Variants in BCHE observed in about 807,000 individuals in gnomAD.
BCHE encodes the protein butyrylcholinesterase.
In BCHE, 48 loss-of-function variants were observed where a neutral mutation model predicts 51.3. That is an observed-to-expected ratio of 0.94 (90% CI 0.74 to 1.19). BCHE has a LOEUF of 1.19. BCHE is among the 50% of genes most tolerant of loss of function. The pLI, the probability that BCHE is intolerant of heterozygous loss-of-function variation, is 0.00. For missense variants in BCHE, 847 were observed against 708.2 expected (o/e 1.20, Z -2.23); for synonymous variants, 251 against 238.0 (o/e 1.05, Z -0.50).
Position 165,830,154 on chromosome 3 carries a change from T to A in BCHE, c.880A>T (p.Asn294Tyr), listed in dbSNP as rs550866478. ...AGAAGAATTTCTTGGGGATCTTTAT[T>A]TCTAAGACACTTGATTATTTCAGTC... Reference protein sequence around the residue: ...NETEIIKCLRNKDPQEILLNE... With the variant: ...NETEIIKCLRYKDPQEILLNE... Residue 294 changes from asparagine (N) to tyrosine (Y), a missense_variant, in exon 2 of 4, where the codon AAT becomes TAT. Transcript: ENST00000264381. 2.5e-6 allele frequency: 4 copies of A among 1,613,980 alleles called. No individual in the cohort carries two copies. The African/African-American group carries it at 4.0e-5, about 16-fold the overall frequency.
chr3:165,805,493 A>G (rs1713833291), intron 2 of BCHE, among the ~76,000 whole-genome samples: 1 of 152,174 alleles, frequency 6.6e-6, no homozygotes. Context: ...AGGACTTTAA[A>G]ACATGTTTCT....
At chr3:165,794,505 G>A (rs1713294908) in intron 2 of BCHE, among the ~76,000 whole-genome samples, 1 of 152,166 alleles carries the variant, frequency 6.6e-6, no homozygotes, top group Non-Finnish European at 1.5e-5. Flanking sequence ...TGATGAGAGG[G>A]CTTACTTCTT....
intron 2 of BCHE, among the ~76,000 whole-genome samples, chr3:165,787,171 G>T (rs774053693): frequency 1.3e-5 from 2 of 151,656 alleles, no homozygotes; most frequent in Non-Finnish European, 3.0e-5. Context: ...ATGAATAACT[G>T]TCGACTCTAT....
At chr3:165,783,231 A>G (rs1369136637) in intron 3 of BCHE, among the ~76,000 whole-genome samples, 2 of 152,128 alleles carry the variant, frequency 1.3e-5, no homozygotes, top group Non-Finnish European at 2.9e-5. Flanking sequence ...TCTTTATGCA[A>G]TAAATCTCAA....
rs115559463 is a variant in BCHE, at chr3:165,803,284, A to C, written c.1518-16973T>G. ...TCTTTTTAGAGCTTACATGTTGGTG[A>C]AAGAGAGAAAGATGAGCAGGATCAA... On this transcript the variant is annotated intron_variant, in intron 2 of 3. Coordinates refer to ENST00000264381, the MANE Select transcript of BCHE (RefSeq NM_000055.4). Among the ~76,000 whole-genome samples the C allele has an allele frequency of 3.9e-3, 590 of 152,320 alleles. 6 individuals are homozygous for C. The highest frequency in any genetic ancestry group is 0.013 in the African/African-American group (559 of 41,584).
intron 2 of BCHE, among the ~76,000 whole-genome samples, chr3:165,810,376 G>A (rs1318292496): frequency 6.6e-6 from 1 of 152,158 alleles, no homozygotes; most frequent in East Asian, 1.9e-4. Context: ...TACATATGGT[G>A]TTCCAGAAGA....
intron 2 of BCHE, among the ~76,000 whole-genome samples, chr3:165,805,238 T>G (rs1227937967): frequency 6.6e-6 from 1 of 152,058 alleles, no homozygotes; most frequent in Non-Finnish European, 1.5e-5. Context: ...GGTACACGAA[T>G]AGCAGAATAA....
At chr3:165,805,550 T>C (rs562508893) in intron 2 of BCHE, among the ~76,000 whole-genome samples, 3 of 152,274 alleles carry the variant, frequency 2.0e-5, no homozygotes, top group Middle Eastern at 3.4e-3. Context: ...TTTAGCATAT[T>C]TGCACACTCA....
At chr3:165,780,605 C>T (rs931595482) in intron 3 of BCHE, among the ~76,000 whole-genome samples, 5 of 151,936 alleles carry the variant, frequency 3.3e-5, no homozygotes, top group South Asian at 2.1e-4. Context: ...GCACATAATA[C>T]GAACAGACAC....
chr3:165,793,245 T>C (rs1432482403), intron 2 of BCHE, among the ~76,000 whole-genome samples: 2 of 152,216 alleles, frequency 1.3e-5, no homozygotes, highest in African/African-American at 4.8e-5. Flanking sequence ...TATAATATTA[T>C]AAAATACACA....
chr3:165,804,552 G>A (rs1416131281), intron 2 of BCHE, among the ~76,000 whole-genome samples: 8 of 152,146 alleles, frequency 5.3e-5, no homozygotes, highest in African/African-American at 1.7e-4. Context: ...ATTGCAACTG[G>A]AGGGAGGTAG....
chr3:165,778,763 A>T (rs1424058873), intron 3 of BCHE: 1 of 419,654 alleles, frequency 2.4e-6, no homozygotes, highest in Non-Finnish European at 4.9e-6. Flanking sequence ...AAATTAGTTG[A>T]CAAAAAAGAC....
At chr3:165,825,329 T>C (rs1483831147) in intron 2 of BCHE, among the ~76,000 whole-genome samples, 1 of 20,488 alleles carries the variant, frequency 4.9e-5, no homozygotes, top group Non-Finnish European at 1.3e-4. Flanking sequence ...AGTTCACAGA[T>C]ATGAATGTAA....
chr3:165,805,107 A>G (rs746743931), intron 2 of BCHE, among the ~76,000 whole-genome samples: 21 of 152,286 alleles, frequency 1.4e-4, no homozygotes, highest in Non-Finnish European at 2.1e-4. Flanking sequence ...TAAATAGTAT[A>G]CTCTGATGTA....
intron 2 of BCHE, among the ~76,000 whole-genome samples, chr3:165,829,232 T>C (rs1229813822): frequency 6.6e-6 from 1 of 152,130 alleles, no homozygotes; most frequent in African/African-American, 2.4e-5. Flanking sequence ...TAAGCATCTT[T>C]TTCTATAAAA....
At chr3:165,773,651 C>T (rs901314762) in intron 3 of BCHE, 145 bp from the exon 4 acceptor site, 8 of 624,990 alleles carry the variant, frequency 1.3e-5, no homozygotes, top group Non-Finnish European at 1.3e-5. Flanking sequence ...TTGTTATTAG[C>T]TCGCTTTGCC....
intron 2 of BCHE, chr3:165,827,954 T>C (rs1434380194): frequency 2.3e-6 from 1 of 431,384 alleles, no homozygotes; most frequent in Admixed American, 2.6e-5. Flanking sequence ...CATTCAATCA[T>C]TAGCCAAATA....
chr3:165,798,294 T>C (rs1268728762), intron 2 of BCHE, among the ~76,000 whole-genome samples: 2 of 152,160 alleles, frequency 1.3e-5, no homozygotes, highest in Admixed American at 6.5e-5. Flanking sequence ...TGTGTAGGTG[T>C]ATTTTCTCTT....
chr3:165,814,459 T>C (rs1238907445), intron 2 of BCHE, among the ~76,000 whole-genome samples: 3 of 152,052 alleles, frequency 2.0e-5, no homozygotes, highest in East Asian at 1.9e-4. Flanking sequence ...AATAGTTTAG[T>C]TTTTGCTCTT....
Sources: allele counts gnomAD v4.1 joint callset (sites outside exome capture counted in the v4.1 genomes callset), GRCh38; gene constraint gnomAD v4.1.1; transcripts MANE v1.5; gene names NCBI Gene and HGNC (gene_info 2026-07-23, HGNC 2026-07-21).